The following PCDHGB2 variants were observed in gnomAD, a reference collection of about 807,000 sequenced individuals.
PCDHGB2 encodes the protein protocadherin gamma-B2.
Under a neutral mutation model 59.3 loss-of-function variants are expected in PCDHGB2, and 55 were observed. The observed-to-expected ratio is 0.93, with a 90% CI of 0.75 to 1.16. PCDHGB2 has a LOEUF of 1.16. Among genes scored for constraint, PCDHGB2 ranks in the 50% most tolerant of loss-of-function variants. The pLI is 0.00. For missense variants in PCDHGB2, 1,228 were observed against 1,198.5 expected, an observed-to-expected ratio of 1.02 and a Z score of -0.36; for synonymous variants, 516 against 512.0, an observed-to-expected ratio of 1.01 and a Z score of -0.11.
chr5:141,496,513 G>A (rs1364297990), intron 2 of PCDHGB2, among the ~76,000 whole-genome samples: 1 of 152,140 alleles, frequency 6.6e-6, no homozygotes, highest in Non-Finnish European at 1.5e-5. Context: ...CAAGGACCCA[G>A]GAGCCCTTGG....
rs17097294 is a variant in PCDHGB2 at position 141,425,513 on chromosome 5, T to G, written c.2421+62957T>G. On this transcript the variant is annotated intron_variant, in intron 1 of 3. Coordinates refer to ENST00000522605, the MANE Select transcript of PCDHGB2 (RefSeq NM_018923.3). ...AGGCTATACCTTTATATTCTCTTTA[T>G]GATGAAACATGAAACAATAATCCTT... Among the ~76,000 whole-genome samples, 699 of 152,380 alleles carry G rather than the reference T, an allele frequency of 4.6e-3. 4 individuals carry two copies. The highest frequency in any genetic ancestry group is 0.015 in the African/African-American group (636 of 41,592).
chr5:141,371,799 GCCT>G, intron 1 of PCDHGB2: 21 of 1,613,926 alleles, frequency 1.3e-5, no homozygotes, highest in Non-Finnish European at 1.7e-5. Context: ...TCCGCCTGGA[GCCT>G]CCATTGCGCA....
chr5:141,383,786 C>T, intron 1 of PCDHGB2: 1 of 1,613,928 alleles, frequency 6.2e-7, no homozygotes, highest in South Asian at 1.1e-5. Context: ...CATCTGAACT[C>T]GCTTACAGGA....
intron 1 of PCDHGB2, chr5:141,390,026 A>G (rs1442754847): frequency 1.2e-6 from 2 of 1,613,826 alleles, no homozygotes; most frequent in Admixed American, 1.7e-5. Flanking sequence ...TGCGCCTGCG[A>G]CGCTCCTCCA....
chr5:141,366,069 G>A (rs544928184), intron 1 of PCDHGB2: 10 of 1,614,216 alleles, frequency 6.2e-6, no homozygotes, highest in Non-Finnish European at 8.5e-6. Context: ...CTGGCGCCTC[G>A]CTCCGCAGAA....
At chr5:141,438,749 C>T (rs1238134451) in intron 1 of PCDHGB2, among the ~76,000 whole-genome samples, 3 of 149,226 alleles carry the variant, frequency 2.0e-5, no homozygotes, top group African/African-American at 4.9e-5. Context: ...GCAACCTCTG[C>T]CTCCTGGGTT....
chr5:141,498,656 G>A (rs2154592341), intron 2 of PCDHGB2, among the ~76,000 whole-genome samples: 1 of 152,336 alleles, frequency 6.6e-6, no homozygotes, highest in Non-Finnish European at 1.5e-5. Context: ...ACCTGGCCAG[G>A]TGTGGTGGCT....
intron 1 of PCDHGB2, chr5:141,365,286 T>C (rs1261897529): frequency 6.2e-7 from 1 of 1,613,946 alleles, no homozygotes. Flanking sequence ...CTCATGGAAG[T>C]GGTAGCTCAG....
intron 1 of PCDHGB2, chr5:141,388,637 T>C (rs993746447): frequency 6.2e-7 from 1 of 1,613,880 alleles, no homozygotes; most frequent in Non-Finnish European, 8.5e-7. Flanking sequence ...GGGTGAGCCT[T>C]TCAGAAAACG....
Position 141,360,499 on chromosome 5 carries a change from A to G in PCDHGB2, c.364A>G (p.Ile122Val). The G allele has an allele frequency of 1.2e-6, 2 of 1,613,976 alleles. No homozygotes were observed. Among genetic ancestry groups the G allele is most frequent in the Non-Finnish European group, 1.7e-6 (2 of 1,179,878 alleles). ...ACTAAATATTTTCTACATAGCAGTAATTGTGCAGGATATAAATGATAATAC... is the reference window on the plus strand; with the variant it reads ...ACTAAATATTTTCTACATAGCAGTAGTTGTGCAGGATATAAATGATAATAC... ...NPLNIFYIAVIVQDINDNTPL... is the reference protein window; with the variant it reads ...NPLNIFYIAVVVQDINDNTPL... The change falls in exon 1 of 4, where the codon ATT becomes GTT. Residue 122 changes from isoleucine (I) to valine (V), a missense_variant. This residue lies in a region of PCDHGB2 where 781 missense variants were observed against 721.6 expected (regional missense o/e 1.08). Coordinates refer to ENST00000522605, the MANE Select transcript of PCDHGB2 (RefSeq NM_018923.3).
Position 141,489,829 on chromosome 5 carries a change from G to T in PCDHGB2, c.2422-4978G>T, listed in dbSNP as rs1445416879. 6.2e-7 allele frequency: 1 copy of T among 1,614,076 alleles called. No individual in the cohort carries two copies. Among genetic ancestry groups the T allele is most frequent in the South Asian group, 1.1e-5 (1 of 91,070 alleles). ...GAAGCCATTCCCAGAGCTGGTGCTA[G>T]AGCAGCAGCTGGATCGTGAAGCCCA... On this transcript the variant is annotated intron_variant, in intron 1 of 3. Coordinates refer to ENST00000522605, the MANE Select transcript of PCDHGB2 (RefSeq NM_018923.3). The surrounding 1 kb of genome is among the most constrained non-coding windows in gnomAD (Gnocchi z 4.5).
rs1254986724 is a variant in PCDHGB2, at chr5:141,490,928, C to G, written c.2422-3879C>G. ...CTAGACGAGAATGATAATGCCCCAGCTGTGCTGCACCCACGGCCAGACTGG... is the reference window on the plus strand; with the variant it reads ...CTAGACGAGAATGATAATGCCCCAGGTGTGCTGCACCCACGGCCAGACTGG... On this transcript the variant is annotated intron_variant, in intron 1 of 3. Transcript: ENST00000522605. The surrounding 1 kb of genome is among the most constrained non-coding windows in gnomAD (Gnocchi z 5.4). 2 of 1,613,466 alleles carry G rather than the reference C, an allele frequency of 1.2e-6. No homozygotes were observed. Among genetic ancestry groups the G allele is most frequent in the Non-Finnish European group, 1.7e-6 (2 of 1,179,624 alleles).
intron 1 of PCDHGB2, chr5:141,416,753 G>A (rs1168212796): frequency 1.3e-5 from 2 of 152,154 alleles, no homozygotes; most frequent in Non-Finnish European, 2.9e-5. Context: ...GACGTATTAG[G>A]TAGATCTCTT....
chr5:141,487,811 A>C lies in PCDHGB2; in HGVS notation c.2422-6996A>C, dbSNP rs1389081995. 2 of 1,414,662 alleles carry C rather than the reference A, an allele frequency of 1.4e-6. No homozygotes were observed. The highest frequency in any genetic ancestry group is 1.9e-6 in the Non-Finnish European group (2 of 1,041,698). The allele number at this position is 1,414,662 out of a possible 1,614,324, so 87.6% of individuals were successfully genotyped here. On this transcript the variant is annotated intron_variant, in intron 1 of 3. Coordinates refer to ENST00000522605, the MANE Select transcript of PCDHGB2 (RefSeq NM_018923.3). This position sits in a 1 kb window ranked among gnomAD's most constrained non-coding sequence, Gnocchi z 5.0. ...TTAACCAGAGTTGTCACAGTTTAGC[A>C]TTGGGGGCGGGTCATGCCTATATCT...
At chr5:141,372,987 AGT>A in intron 1 of PCDHGB2, 1 of 640,932 alleles carries the variant, frequency 1.6e-6, no homozygotes, top group Non-Finnish European at 2.6e-6. Flanking sequence ...TCTGTGTTGC[AGT>A]TGTTCTTTCA....
chr5:141,383,692 C>T (rs1779370134), intron 1 of PCDHGB2: 4 of 1,613,888 alleles, frequency 2.5e-6, no homozygotes, highest in Non-Finnish European at 2.5e-6. Flanking sequence ...GCTCACGGTA[C>T]ATGCTATCGA....
chr5:141,439,118 G>A (rs1293542421), intron 1 of PCDHGB2, among the ~76,000 whole-genome samples: 3 of 151,390 alleles, frequency 2.0e-5, no homozygotes, highest in Non-Finnish European at 4.4e-5. Flanking sequence ...ACTTGAACCC[G>A]GGAGACAGAG....
intron 1 of PCDHGB2, chr5:141,385,652 G>T: frequency 1.5e-6 from 1 of 651,480 alleles, no homozygotes; most frequent in South Asian, 5.5e-5. Context: ...ATTGCACAAG[G>T]TTAGCAGGAA....
At chr5:141,365,299 T>TGGAG (rs1561533738) in intron 1 of PCDHGB2, 1 of 1,614,002 alleles carries the variant, frequency 6.2e-7, no homozygotes, top group South Asian at 1.1e-5. Context: ...TAGCTCAGGA[T>TGGAG]GGAGGCGCTC....
Sources: gnomAD v4.1 joint callset for allele counts (sites outside exome capture counted in the v4.1 genomes callset) on GRCh38, gnomAD v4.1.1 for gene constraint, gnomAD v4.1.1 regional missense constraint, Gnocchi (gnomAD v3.1) non-coding constraint, MANE v1.5 for transcripts, NCBI Gene and HGNC (gene_info 2026-07-23, HGNC 2026-07-21) for gene names.